The following DAB1 variants were observed in gnomAD, a reference collection of about 807,000 sequenced individuals.
The protein encoded by DAB1 is DAB adaptor protein 1.
In DAB1, 15 loss-of-function variants were observed where a neutral mutation model predicts 64.6. That is an observed-to-expected ratio of 0.23 (90% confidence interval 0.16 to 0.36). DAB1 has a LOEUF of 0.36. Ranked by LOEUF, DAB1 falls within the 10% of genes least tolerant of loss-of-function variation. The pLI, the probability that DAB1 is intolerant of heterozygous loss-of-function variation, is 1.00. For missense variants in DAB1, 596 were observed against 706.7 expected (o/e 0.84, Z 1.78); for synonymous variants, 235 against 251.9 (o/e 0.93, Z 0.64).
intron 4 of DAB1, among the ~76,000 whole-genome samples, chr1:58,281,484 T>A (rs531170806): frequency 1.3e-5 from 2 of 152,222 alleles, no homozygotes; most frequent in Admixed American, 1.3e-4. Context: ...TCACCTCTCA[T>A]CTGAATACAT....
At chr1:58,081,968 T>A (rs1031519624) in intron 5 of DAB1, among the ~76,000 whole-genome samples, 2 of 152,128 alleles carry the variant, frequency 1.3e-5, no homozygotes, top group African/African-American at 4.8e-5. Flanking sequence ...AAAAAGTGTT[T>A]AATATGTGAA....
intron 6 of DAB1, among the ~76,000 whole-genome samples, chr1:57,719,314 G>A (rs960970824): frequency 1.3e-5 from 2 of 152,148 alleles, no homozygotes; most frequent in Admixed American, 1.3e-4. Flanking sequence ...CTAATTTTCT[G>A]GTTTCCCCTG....
intron 3 of DAB1, among the ~76,000 whole-genome samples, chr1:58,479,249 TTA>T (rs1645449205): frequency 6.6e-6 from 1 of 152,170 alleles, no homozygotes. Flanking sequence ...CCAAGTGTCT[TTA>T]TATGTTATGG....
intron 6 of DAB1, among the ~76,000 whole-genome samples, chr1:57,682,157 A>G (rs1264715042): frequency 6.6e-6 from 1 of 152,070 alleles, no homozygotes; most frequent in Non-Finnish European, 1.5e-5. Context: ...TTCAGGAATC[A>G]AAAGAGAATT....
At chr1:57,684,544 T>G (rs1440265403) in intron 6 of DAB1, among the ~76,000 whole-genome samples, 2 of 152,066 alleles carry the variant, frequency 1.3e-5, no homozygotes, top group African/African-American at 4.8e-5. Flanking sequence ...TAAACTAAAA[T>G]TATTCTCAGA....
At chr1:57,273,605 T>C (rs1671215896) in intron 2 of DAB1, among the ~76,000 whole-genome samples, 3 of 113,864 alleles carry the variant, frequency 2.6e-5, no homozygotes, top group African/African-American at 1.2e-4. Context: ...CTTCCTTCCT[T>C]CCTTCCTTCC....
intron 5 of DAB1, among the ~76,000 whole-genome samples, chr1:58,076,401 T>A (rs925923131): frequency 6.6e-6 from 1 of 152,178 alleles, no homozygotes; most frequent in Non-Finnish European, 1.5e-5. Context: ...TATATAATAA[T>A]TGGCAACTAT....
intron 6 of DAB1, among the ~76,000 whole-genome samples, chr1:57,744,921 A>G (rs1648192237): frequency 6.6e-6 from 1 of 152,164 alleles, no homozygotes; most frequent in Non-Finnish European, 1.5e-5. Context: ...CAAAAAACAC[A>G]GTTTGGAAAA....
chr1:57,738,778 C>T (rs905783604), intron 6 of DAB1, among the ~76,000 whole-genome samples: 16 of 152,178 alleles, frequency 1.1e-4, no homozygotes, highest in African/African-American at 3.9e-4. Flanking sequence ...GTAATTTCTT[C>T]CATGTGCTTC....
chr1:58,397,977 C>A (rs1233921172), intron 3 of DAB1, among the ~76,000 whole-genome samples: 1 of 152,182 alleles, frequency 6.6e-6, no homozygotes, highest in African/African-American at 2.4e-5. Flanking sequence ...AGAAGCCATT[C>A]CCTGTCTTCA....
intron 4 of DAB1, among the ~76,000 whole-genome samples, chr1:58,320,716 T>G (rs889028431): frequency 2.0e-5 from 3 of 152,182 alleles, no homozygotes; most frequent in Non-Finnish European, 2.9e-5. Context: ...TATACCAGAT[T>G]GTTAGTCATA....
intron 5 of DAB1, among the ~76,000 whole-genome samples, chr1:58,082,521 G>C: frequency 6.6e-6 from 1 of 152,120 alleles, no homozygotes; most frequent in East Asian, 1.9e-4. Flanking sequence ...CATAAAGGTA[G>C]CTAAGTGAGA....
intron 3 of DAB1, among the ~76,000 whole-genome samples, chr1:58,365,307 T>C (rs1644206551): frequency 6.6e-6 from 1 of 152,134 alleles, no homozygotes; most frequent in Non-Finnish European, 1.5e-5. Flanking sequence ...AGAGTCATAG[T>C]AGATAGGGAG....
chr1:57,862,076 T>C (rs1008605039), intron 1 of DAB1, among the ~76,000 whole-genome samples: 1 of 152,172 alleles, frequency 6.6e-6, no homozygotes, highest in African/African-American at 2.4e-5. Context: ...TCTGAATCTT[T>C]AAGATTTCTA....
chr1:58,234,837 C>A (rs1214583355), intron 4 of DAB1, among the ~76,000 whole-genome samples: 1 of 152,192 alleles, frequency 6.6e-6, no homozygotes, highest in Non-Finnish European at 1.5e-5. Flanking sequence ...CCAGAGCCTA[C>A]AACCTTTATG....
intron 7 of DAB1, among the ~76,000 whole-genome samples, chr1:57,553,442 G>GAGAA (rs767173407): frequency 0.024 from 1,626 of 68,190 alleles, 220 homozygotes; most frequent in Admixed American, 0.11. Context: ...AAGAAAGAAA[G>GAGAA]AGAAAGAAAG....
At chr1:58,300,668 GGAAGGAAGGA>G (rs1557726419) in intron 4 of DAB1, among the ~76,000 whole-genome samples, 32 of 132,660 alleles carry the variant, frequency 2.4e-4, no homozygotes, top group African/African-American at 9.7e-4. Flanking sequence ...AAGGAAGGAA[GGAAGGAAGGA>G]AGGAAGGAAG....
At chr1:57,883,830 T>G (rs1644182901) in intron 1 of DAB1, among the ~76,000 whole-genome samples, 1 of 152,166 alleles carries the variant, frequency 6.6e-6, no homozygotes, top group African/African-American at 2.4e-5. Flanking sequence ...AGTCAGTGAT[T>G]AAACAAATAA....
chr1:57,397,924 T>C (rs138116456), intron 1 of DAB1, among the ~76,000 whole-genome samples: 88 of 152,358 alleles, frequency 5.8e-4, no homozygotes, highest in African/African-American at 2.0e-3. Flanking sequence ...TTTAACTCAG[T>C]CAACCTTTCT....
Sources: allele counts gnomAD v4.1 joint callset (sites outside exome capture counted in the v4.1 genomes callset), GRCh38; gene constraint gnomAD v4.1.1; transcripts MANE v1.5; gene names NCBI Gene and HGNC (gene_info 2026-07-23, HGNC 2026-07-21).